NPAS3: variants seen among roughly 807,000 people sequenced by gnomAD.
The protein encoded by NPAS3 is neuronal PAS domain-containing protein 3.
NPAS3 carries 14 observed loss-of-function variants against 73.1 expected under a neutral mutation model. The ratio of observed to expected loss-of-function variants is 0.19; its 90% confidence interval spans 0.13 to 0.30. The LOEUF (loss-of-function observed/expected upper bound fraction) is 0.30, where lower values mean the gene tolerates loss of function less well. NPAS3 is among the 10% of genes least tolerant of loss of function. The pLI is 1.00. For missense variants in NPAS3, 1,096 were observed against 1,250.0 expected, an observed-to-expected ratio of 0.88 and a Z score of 1.86; for synonymous variants, 620 against 541.5, an observed-to-expected ratio of 1.14 and a Z score of -2.01.
chr14:33,142,332 G>A (rs186563941), intron 2 of NPAS3, among the ~76,000 whole-genome samples: 106 of 150,232 alleles, frequency 7.1e-4, no homozygotes, highest in Non-Finnish European at 1.0e-4. Flanking sequence ...AGCCTTAACT[G>A]CTATAGTGCT....
At chr14:33,607,955 G>A (rs1179614665) in intron 5 of NPAS3, among the ~76,000 whole-genome samples, 1 of 152,102 alleles carries the variant, frequency 6.6e-6, no homozygotes, top group Non-Finnish European at 1.5e-5. Context: ...TAGCGTGGGG[G>A]AAGCTGCCCC....
rs796199268 is a variant in NPAS3 at position 33,168,280 on chromosome 14, T to G, written c.141-46902T>G. The stretch of plus-strand genomic sequence containing the variant: ...CTCTTTAGTATAGTTTAGAGACAGC[T>G]TACTGTGTGTAGAACAGCTGTAAGC... On this transcript the variant is annotated intron_variant, in intron 2 of 11. Transcript: ENST00000356141. Among the ~76,000 whole-genome samples the G allele has an allele frequency of 1.7e-4, 26 of 152,130 alleles. 1 individual carries two copies. The highest frequency in any genetic ancestry group is 6.3e-4 in the African/African-American group (26 of 41,500).
intron 9 of NPAS3, chr14:33,780,798 A>G: frequency 2.9e-6 from 1 of 347,612 alleles, no homozygotes; most frequent in East Asian, 8.3e-5. Flanking sequence ...CCACTCCACC[A>G]TTCACTATTG....
intron 4 of NPAS3, among the ~76,000 whole-genome samples, chr14:33,544,691 A>C (rs1411410975): frequency 6.9e-6 from 1 of 144,602 alleles, no homozygotes; most frequent in Non-Finnish European, 1.5e-5. Flanking sequence ...TGACAGAATA[A>C]GTTTCTGTTG....
chr14:33,679,487 GA>G (rs1189706591), intron 6 of NPAS3, among the ~76,000 whole-genome samples: 1 of 136,868 alleles, frequency 7.3e-6, no homozygotes, highest in Non-Finnish European at 1.6e-5. Context: ...TAACTAACAT[GA>G]AGGAACATTT....
chr14:33,347,331 G>C (rs2044788569), intron 3 of NPAS3, among the ~76,000 whole-genome samples: 1 of 152,180 alleles, frequency 6.6e-6, no homozygotes, highest in African/African-American at 2.4e-5. Flanking sequence ...TTTTTAGAAA[G>C]ACCACTCGTA....
intron 1 of NPAS3, among the ~76,000 whole-genome samples, chr14:33,052,197 C>T (rs2040735918): frequency 6.6e-6 from 1 of 152,114 alleles, no homozygotes; most frequent in African/African-American, 2.4e-5. Flanking sequence ...GGCAAAGGAT[C>T]CCTGTTGTCC....
chr14:33,081,986 A>G (rs2041875313), intron 2 of NPAS3, among the ~76,000 whole-genome samples: 1 of 152,212 alleles, frequency 6.6e-6, no homozygotes, highest in Non-Finnish European at 1.5e-5. Context: ...TTAAAGATTT[A>G]TTAAAAGATC....
chr14:33,190,106 G>T (rs1471166238), intron 2 of NPAS3, among the ~76,000 whole-genome samples: 2 of 152,120 alleles, frequency 1.3e-5, no homozygotes, highest in African/African-American at 4.8e-5. Context: ...ACTTATTTCA[G>T]TATTATTGTA....
intron 5 of NPAS3, among the ~76,000 whole-genome samples, chr14:33,569,223 T>C (rs889794422): frequency 5.9e-5 from 9 of 152,234 alleles, no homozygotes; most frequent in African/African-American, 1.7e-4. Flanking sequence ...TCTCTGATGC[T>C]GTTAATTTTT....
At chr14:33,356,074 C>G (rs978600707) in intron 3 of NPAS3, among the ~76,000 whole-genome samples, 1 of 152,182 alleles carries the variant, frequency 6.6e-6, no homozygotes, top group Non-Finnish European at 1.5e-5. Context: ...ACTAACAGTG[C>G]CTGGCACTGG....
chr14:33,710,007 G>A (rs1301689075), intron 6 of NPAS3, among the ~76,000 whole-genome samples: 1 of 152,246 alleles, frequency 6.6e-6, no homozygotes, highest in Non-Finnish European at 1.5e-5. Flanking sequence ...AACCACCAGA[G>A]AGATGTGTTT....
intron 2 of NPAS3, among the ~76,000 whole-genome samples, chr14:33,143,934 T>C (rs1343343249): frequency 2.0e-5 from 3 of 152,268 alleles, no homozygotes; most frequent in African/African-American, 7.2e-5. Flanking sequence ...TTCCATTGTG[T>C]GGATATAATA....
intron 2 of NPAS3, among the ~76,000 whole-genome samples, chr14:33,115,946 A>G (rs1294196424): frequency 2.6e-5 from 4 of 152,080 alleles, no homozygotes; most frequent in Non-Finnish European, 4.4e-5. Context: ...ACAGAACTCC[A>G]TATTTTGGGA....
At chr14:33,238,261 G>A (rs1383066381) in intron 3 of NPAS3, among the ~76,000 whole-genome samples, 1 of 151,968 alleles carries the variant, frequency 6.6e-6, no homozygotes, top group African/African-American at 2.4e-5. Context: ...TCTTCAAATA[G>A]GAAGTACTAG....
intron 3 of NPAS3, among the ~76,000 whole-genome samples, chr14:33,271,244 G>A (rs2041063305): frequency 6.6e-6 from 1 of 152,188 alleles, no homozygotes; most frequent in Non-Finnish European, 1.5e-5. Context: ...CTGGGTATAA[G>A]GCAGAACTCT....
At chr14:33,084,450 A>G (rs1029772868) in intron 2 of NPAS3, among the ~76,000 whole-genome samples, 1 of 152,232 alleles carries the variant, frequency 6.6e-6, no homozygotes, top group African/African-American at 2.4e-5. Flanking sequence ...CAAACGTAGT[A>G]TAAGAAGACC....
At chr14:33,797,110 C>CA (rs2138659461) in intron 10 of NPAS3, among the ~76,000 whole-genome samples, 1 of 152,314 alleles carries the variant, frequency 6.6e-6, no homozygotes, top group South Asian at 2.1e-4. Flanking sequence ...CACCAGGAGA[C>CA]ATGGGAATGA....
intron 2 of NPAS3, among the ~76,000 whole-genome samples, chr14:33,074,894 C>T (rs2041607441): frequency 6.6e-6 from 1 of 152,146 alleles, no homozygotes; most frequent in African/African-American, 2.4e-5. Flanking sequence ...AAGATTCACA[C>T]TCTTATTAAC....
Sources: gnomAD v4.1 joint callset for allele counts (sites outside exome capture counted in the v4.1 genomes callset) on GRCh38, gnomAD v4.1.1 for gene constraint, MANE v1.5 for transcripts, NCBI Gene and HGNC (gene_info 2026-07-23, HGNC 2026-07-21) for gene names.